RAI14: variants seen among roughly 807,000 people sequenced by gnomAD.
The protein encoded by RAI14 is ankycorbin.
Under a neutral mutation model 115.4 loss-of-function variants are expected in RAI14, and 45 were observed. The ratio of observed to expected loss-of-function variants is 0.39; its 90% CI spans 0.31 to 0.50. The LOEUF (loss-of-function observed/expected upper bound fraction) is 0.50, where lower values mean the gene tolerates loss of function less well. RAI14 is among the 20% of genes least tolerant of loss of function. The probability of loss-of-function intolerance (pLI) is 0.85; values close to 1 mark genes in which losing one functional copy is unlikely to be tolerated. For synonymous variants in RAI14, 371 were observed against 415.4 expected (o/e 0.89, Z 1.30); for missense variants, 939 against 1,131.2 (o/e 0.83, Z 2.44).
At chr5:34,673,861 C>G (rs560285537) in intron 1 of RAI14, among the ~76,000 whole-genome samples, 50 of 152,304 alleles carry the variant, frequency 3.3e-4, no homozygotes, top group South Asian at 1.2e-3. Flanking sequence ...TCTACCTCCC[C>G]TCCCCCAACT....
intron 2 of RAI14, among the ~76,000 whole-genome samples, chr5:34,747,314 T>G (rs991012637): frequency 6.6e-6 from 1 of 152,242 alleles, no homozygotes; most frequent in Non-Finnish European, 1.5e-5. Flanking sequence ...ATAGTACAGC[T>G]CCTCGCACTG....
chr5:34,783,410 G>T (rs1190395426), intron 3 of RAI14, among the ~76,000 whole-genome samples: 2 of 152,168 alleles, frequency 1.3e-5, no homozygotes, highest in African/African-American at 4.8e-5. Flanking sequence ...TAAGGTTTCA[G>T]GTATCTTGAT....
At chr5:34,700,265 C>T (rs1331925855) in intron 2 of RAI14, among the ~76,000 whole-genome samples, 2 of 152,104 alleles carry the variant, frequency 1.3e-5, no homozygotes, top group East Asian at 3.9e-4. Flanking sequence ...TTGTAGGTGC[C>T]TGGTGAATAA....
rs530733107 is a variant in RAI14, at chr5:34,788,028, C to T, written c.168-7911C>T. On this transcript the variant is annotated intron_variant, in intron 3 of 17. Transcript: ENST00000265109. ...ACCTTCCAGGCTCATGCTATCCTTC[C>T]GCCTTAGCATCCCGAGTAGTTGGGA... is the stretch of plus-strand genomic sequence containing the variant. Among the ~76,000 whole-genome samples, 11 of 148,290 alleles carry T rather than the reference C, an allele frequency of 7.4e-5. No homozygotes were observed. The South Asian group carries it at 1.3e-3, about 18-fold the overall frequency.
At chr5:34,771,866 A>G (rs1750205911) in intron 3 of RAI14, among the ~76,000 whole-genome samples, 1 of 152,098 alleles carries the variant, frequency 6.6e-6, no homozygotes, top group Non-Finnish European at 1.5e-5. Flanking sequence ...GACTAGCACA[A>G]CCAGTAGGTT....
At chr5:34,725,912 A>AGATTGTGCCATTGCACTCTAGCCTG (rs1228090618) in intron 2 of RAI14, among the ~76,000 whole-genome samples, 4 of 145,390 alleles carry the variant, frequency 2.8e-5, no homozygotes, top group African/African-American at 1.0e-4. Context: ...CAGTGAGCTG[A>AGATTGTGCCATTGCACTCTAGCCTG]GATTGTGCCA....
rs372617171 is a variant in RAI14, at chr5:34,801,885, A to G, written c.257-1827A>G. 3.9e-5 allele frequency among the ~76,000 whole-genome samples: 6 copies of G among 152,170 alleles called. No homozygotes were observed. In the East Asian group the frequency reaches 9.7e-4, roughly 25 times the overall value. ...CAGGAGTTTGAGACTAGCCTGGGCA[A>G]CATAGCAAGACCCCCAGCTCTACCA... On this transcript the variant is annotated intron_variant, in intron 4 of 17. Coordinates refer to ENST00000265109, the MANE Select transcript of RAI14 (RefSeq NM_015577.3).
At chr5:34,740,643 G>C (rs1287286946) in intron 2 of RAI14, among the ~76,000 whole-genome samples, 1 of 152,138 alleles carries the variant, frequency 6.6e-6, no homozygotes, top group Non-Finnish European at 1.5e-5. Flanking sequence ...TGGGGGCTGG[G>C]GAGACCGTGA....
intron 2 of RAI14, among the ~76,000 whole-genome samples, chr5:34,751,461 A>G (rs7702441): frequency 0.68 from 102,700 of 152,102 alleles, 35,043 homozygotes; most frequent in African/African-American, 0.78. Context: ...TATCATCTGT[A>G]TATACATCCC....
intron 2 of RAI14, among the ~76,000 whole-genome samples, chr5:34,732,729 G>T (rs1021619570): frequency 3.4e-5 from 5 of 149,032 alleles, no homozygotes; most frequent in African/African-American, 1.2e-4. Context: ...CCTGGTACCT[G>T]CTTGATATTT....
intron 1 of RAI14, among the ~76,000 whole-genome samples, chr5:34,673,766 C>A (rs1241197732): frequency 4.6e-5 from 7 of 152,196 alleles, no homozygotes; most frequent in African/African-American, 1.7e-4. Context: ...ACCCCTGCCT[C>A]TGTCCCCTCT....
intron 2 of RAI14, among the ~76,000 whole-genome samples, chr5:34,703,906 T>C (rs1740376265): frequency 6.6e-6 from 1 of 152,228 alleles, no homozygotes; most frequent in Non-Finnish European, 1.5e-5. Flanking sequence ...TTCTTTTATT[T>C]ACCTCAATTG....
chr5:34,808,763 G>C, intron 7 of RAI14, 109 bp downstream of exon 7: 1 of 1,012,782 alleles, frequency 9.9e-7, no homozygotes, highest in Non-Finnish European at 1.5e-6. Context: ...CAACCTTTTT[G>C]GCATCAGGGG....
intron 6 of RAI14, among the ~76,000 whole-genome samples, chr5:34,808,158 G>C (rs1057472101): frequency 7.9e-5 from 12 of 152,206 alleles, no homozygotes; most frequent in Non-Finnish European, 1.2e-4. Context: ...TTCAGGTAAT[G>C]TGTGATACAG....
chr5:34,686,569 A>G (rs1298184964), intron 1 of RAI14: 1 of 171,760 alleles, frequency 5.8e-6, no homozygotes, highest in African/African-American at 2.4e-5. Context: ...GCCATTCTAC[A>G]ATATATGCAT....
chr5:34,746,183 G>A (rs1746197049), intron 2 of RAI14, among the ~76,000 whole-genome samples: 2 of 145,488 alleles, frequency 1.4e-5, no homozygotes, highest in East Asian at 4.1e-4. Flanking sequence ...CTGGCTCACT[G>A]CAAGCTCCGC....
rs367874264 is a variant in RAI14, at chr5:34,829,815, G to C, written c.2865+18G>C. The C allele has an allele frequency of 6.3e-7, 1 of 1,579,712 alleles. No homozygotes were observed. The highest frequency in any genetic ancestry group is 1.4e-5 in the African/African-American group (1 of 73,696). ...CTGTGCAGGTATGGTTATGCCCCTT[G>C]AAGTATCTGGACATCCTAAAGAAAT... On this transcript the variant is annotated intron_variant, in intron 17 of 17. Transcript: ENST00000265109.
chr5:34,758,123 T>TA (rs1286477728), intron 3 of RAI14, among the ~76,000 whole-genome samples: 2 of 152,340 alleles, frequency 1.3e-5, no homozygotes, highest in East Asian at 1.9e-4. Flanking sequence ...TATCCATTCT[T>TA]ACGTTGGCAG....
chr5:34,757,403 C>T lies in RAI14; in HGVS notation c.37-65C>T, dbSNP rs1748032097. The T allele has an allele frequency of 1.3e-5, 20 of 1,581,526 alleles. 1 individual carries two copies. In the South Asian group the frequency reaches 2.1e-4, roughly 17 times the overall value. On this transcript the variant is annotated intron_variant, in intron 2 of 17. Transcript: ENST00000265109. ...GGGTGGGGGCTGCGAGGACTGCAGC[C>T]CTGCTGGTCAGTGCGGCTGTGGCCA... is the stretch of plus-strand genomic sequence containing the variant.
Sources: allele counts gnomAD v4.1 joint callset (sites outside exome capture counted in the v4.1 genomes callset), GRCh38; gene constraint gnomAD v4.1.1; transcripts MANE v1.5; gene names NCBI Gene and HGNC (gene_info 2026-07-23, HGNC 2026-07-21).